HOMER1: variants seen among roughly 807,000 people sequenced by gnomAD.
The protein encoded by HOMER1 is homer protein homolog 1.
In HOMER1, 3 loss-of-function variants were observed where a neutral mutation model predicts 48.9. The ratio of observed to expected loss-of-function variants is 0.06; its 90% CI spans 0.03 to 0.16. HOMER1 has a LOEUF of 0.16. Among genes scored for constraint, HOMER1 ranks in the 10% least tolerant of loss-of-function variants. HOMER1 has a pLI of 1.00. For missense variants in HOMER1, 247 were observed against 411.4 expected (o/e 0.60, Z 3.46); for synonymous variants, 134 against 146.4 (o/e 0.92, Z 0.61).
chr5:79,383,893 T>A (rs997914848), intron 8 of HOMER1, among the ~76,000 whole-genome samples: 3 of 152,070 alleles, frequency 2.0e-5, no homozygotes, highest in African/African-American at 7.2e-5. Context: ...TTAAACTACA[T>A]GCTCCTGAGC....
chr5:79,508,070 T>C (rs1343373041), intron 1 of HOMER1, among the ~76,000 whole-genome samples: 2 of 152,252 alleles, frequency 1.3e-5, no homozygotes, highest in African/African-American at 2.4e-5. Context: ...TTGTTCTGGC[T>C]TGGTGTTTCC....
At chr5:79,446,521 C>T (rs1580456268) in intron 4 of HOMER1, among the ~76,000 whole-genome samples, 1 of 152,282 alleles carries the variant, frequency 6.6e-6, no homozygotes, top group East Asian at 1.9e-4. Flanking sequence ...GTTACAAGCA[C>T]ATTAAATAAT....
At chr5:79,379,303 CTG>C (rs973985834) in intron 8 of HOMER1, among the ~76,000 whole-genome samples, 1 of 86,414 alleles carries the variant, frequency 1.2e-5, no homozygotes, top group Non-Finnish European at 2.1e-5. Flanking sequence ...TTAAAATTGT[CTG>C]TAATATAAAT....
In HOMER1 at chr5:79,439,054, C is replaced by T. The variant is rs1303288894; in HGVS notation, c.483G>A (p.Glu161=). Residue 161 remains glutamate (E), a synonymous_variant, in exon 5 of 9, where the codon GAG becomes GAA. Coordinates refer to ENST00000334082, the MANE Select transcript of HOMER1 (RefSeq NM_004272.5). ...ERTPDVTQNS[E]PRAEPTQNAL... is the part of the protein sequence containing the mutation. ...CATTCTGAGTTGGTTCAGCCCTTGG[C>T]TCTGAGTTCTGTGTCACATCAGGTG... is the stretch of plus-strand genomic sequence containing the variant. 5.6e-6 allele frequency: 9 copies of T among 1,613,954 alleles called. No individual in the cohort carries two copies. Among genetic ancestry groups the T allele is most frequent in the Non-Finnish European group, 7.6e-6 (9 of 1,179,882 alleles).
intron 5 of HOMER1, among the ~76,000 whole-genome samples, chr5:79,403,079 G>A (rs1749574140): frequency 6.6e-6 from 1 of 152,058 alleles, no homozygotes; most frequent in South Asian, 2.1e-4. Context: ...TCTACTACAA[G>A]ACAATTCTTT....
At chr5:79,505,959 T>C (rs963426817) in intron 1 of HOMER1, among the ~76,000 whole-genome samples, 1 of 152,180 alleles carries the variant, frequency 6.6e-6, no homozygotes, top group African/African-American at 2.4e-5. Context: ...CAATCCATTT[T>C]TGGGCGGACA....
At chr5:79,378,331 T>G (rs906957326) in intron 8 of HOMER1, among the ~76,000 whole-genome samples, 1 of 151,336 alleles carries the variant, frequency 6.6e-6, no homozygotes, top group Non-Finnish European at 1.5e-5. Context: ...ACAGATGAGT[T>G]GCAAGAGCCT....
At chr5:79,381,199 G>A (rs1339917538) in intron 8 of HOMER1, among the ~76,000 whole-genome samples, 3 of 151,738 alleles carry the variant, frequency 2.0e-5, no homozygotes, top group Non-Finnish European at 4.4e-5. Flanking sequence ...CAGCCTCCAC[G>A]AACTGCACCC....
At chr5:79,420,229 C>T (rs1378598336) in intron 5 of HOMER1, among the ~76,000 whole-genome samples, 4 of 152,064 alleles carry the variant, frequency 2.6e-5, no homozygotes, top group African/African-American at 9.7e-5. Flanking sequence ...TTCCTATTTC[C>T]TTACTCTCAA....
rs1272896845 is a variant in HOMER1 at position 79,513,301 on chromosome 5, A to G, written c.-527T>C. The G allele has an allele frequency of 1.3e-5, 2 of 154,990 alleles. No individual in the cohort carries two copies. Among genetic ancestry groups the G allele is most frequent in the African/African-American group, 4.8e-5 (2 of 41,448 alleles). 9.6% of individuals were successfully genotyped at this position (154,990 alleles called of 1,614,324 possible). A position where few individuals can be genotyped will look rare whatever the true frequency, so the allele number is the denominator to read the frequency against. Reference sequence around the variant, plus strand: ...GTAATGCCACGGCTTCCCTGCGCTCACATTAGGAAAAAAACTACACAGGAA... The same window carrying G: ...GTAATGCCACGGCTTCCCTGCGCTCGCATTAGGAAAAAAACTACACAGGAA... On this transcript the variant is annotated 5_prime_UTR_variant, in exon 1 of 9. It removes the in-frame stop codon of an upstream open reading frame in the 5' UTR. Coordinates refer to ENST00000334082, the MANE Select transcript of HOMER1 (RefSeq NM_004272.5).
At chr5:79,398,687 C>CT (rs1027356874) in intron 6 of HOMER1, among the ~76,000 whole-genome samples, 1 of 152,106 alleles carries the variant, frequency 6.6e-6, no homozygotes, top group Non-Finnish European at 1.5e-5. Flanking sequence ...AGCAGCTCAT[C>CT]TTTTTTACGG....
At chr5:79,496,807 G>A (rs1346096461) in intron 1 of HOMER1, among the ~76,000 whole-genome samples, 1 of 152,120 alleles carries the variant, frequency 6.6e-6, no homozygotes, top group Non-Finnish European at 1.5e-5. Context: ...GCTCATGCCT[G>A]TAATTCCAGC....
chr5:79,397,390 C>T, intron 7 of HOMER1, 137 bp downstream of exon 7: 1 of 646,412 alleles, frequency 1.5e-6, no homozygotes. Flanking sequence ...CTTAATACCA[C>T]TCAAGAAAAA....
chr5:79,494,542 A>G (rs902750552), intron 1 of HOMER1, among the ~76,000 whole-genome samples: 1 of 152,250 alleles, frequency 6.6e-6, no homozygotes, highest in African/African-American at 2.4e-5. Flanking sequence ...ACTCTTGACT[A>G]AATTGCTGCC....
At chr5:79,477,986 T>A (rs2112336457) in intron 1 of HOMER1, among the ~76,000 whole-genome samples, 1 of 152,254 alleles carries the variant, frequency 6.6e-6, no homozygotes, top group South Asian at 2.1e-4. Flanking sequence ...AATGTCTGCA[T>A]TGGTACAATA....
At chr5:79,401,815 C>T (rs1395821950) in intron 6 of HOMER1, 84 bp downstream of exon 6, 4 of 1,296,728 alleles carry the variant, frequency 3.1e-6, no homozygotes, top group Non-Finnish European at 4.4e-6. Context: ...GAAGATATCC[C>T]TGTGCTGAAT....
intron 8 of HOMER1, among the ~76,000 whole-genome samples, chr5:79,389,374 G>C (rs1057201424): frequency 6.6e-6 from 1 of 152,240 alleles, no homozygotes; most frequent in African/African-American, 2.4e-5. Flanking sequence ...AGAGATCACT[G>C]TGGAAACTTC....
chr5:79,434,219 T>C (rs1275383562), intron 5 of HOMER1, among the ~76,000 whole-genome samples: 7 of 152,064 alleles, frequency 4.6e-5, no homozygotes, highest in Admixed American at 3.9e-4. Context: ...AAAATTGTAA[T>C]GAACAAAATG....
intron 1 of HOMER1, among the ~76,000 whole-genome samples, chr5:79,497,714 C>G (rs1752467563): frequency 1.3e-5 from 2 of 148,674 alleles, no homozygotes; most frequent in Non-Finnish European, 3.0e-5. Context: ...TCCCTTAGTT[C>G]AAACTTCTAG....
Sources: gnomAD v4.1 joint callset for allele counts (sites outside exome capture counted in the v4.1 genomes callset) on GRCh38, gnomAD v4.1.1 for gene constraint, MANE v1.5 for transcripts, NCBI Gene and HGNC (gene_info 2026-07-23, HGNC 2026-07-21) for gene names.